Variants in GUCY1A2 observed in about 807,000 individuals in gnomAD.
GUCY1A2 encodes guanylate cyclase soluble subunit alpha-2.
Under a neutral mutation model 63.5 loss-of-function variants are expected in GUCY1A2, and 27 were observed. The ratio of observed to expected loss-of-function variants is 0.43; its 90% CI spans 0.31 to 0.59. The LOEUF is 0.59. Ranked by LOEUF, GUCY1A2 falls within the 20% of genes least tolerant of loss-of-function variation. GUCY1A2 has a pLI of 0.11. For missense variants in GUCY1A2, 768 were observed against 913.3 expected (o/e 0.84, Z 2.05); for synonymous variants, 364 against 343.5 (o/e 1.06, Z -0.66).
intron 4 of GUCY1A2, among the ~76,000 whole-genome samples, chr11:106,857,445 A>G (rs1859452232): frequency 6.6e-6 from 1 of 152,176 alleles, no homozygotes; most frequent in Non-Finnish European, 1.5e-5. Context: ...TTGGGGGAAC[A>G]TAAACATCCC....
chr11:106,747,868 G>A (rs549912609), intron 6 of GUCY1A2, among the ~76,000 whole-genome samples: 4 of 152,244 alleles, frequency 2.6e-5, no homozygotes, highest in Admixed American at 6.5e-5. Context: ...TATGGCTTGT[G>A]TGAGGGTTAC....
At chr11:106,711,232 TA>T (rs1296625745) in intron 6 of GUCY1A2, among the ~76,000 whole-genome samples, 2 of 152,150 alleles carry the variant, frequency 1.3e-5, no homozygotes, top group Non-Finnish European at 2.9e-5. Context: ...GCTAGATTTA[TA>T]AAAGAGTTGG....
chr11:106,759,471 T>A (rs553893870), intron 6 of GUCY1A2, among the ~76,000 whole-genome samples: 1 of 152,340 alleles, frequency 6.6e-6, no homozygotes, highest in Non-Finnish European at 1.5e-5. Context: ...AATTGTGCCC[T>A]ACCCCCTTAA....
rs1862458355 is a variant in GUCY1A2 at position 106,683,068 on chromosome 11, G to T, written c.*4481C>A. The T allele has an allele frequency of 4.6e-6, 1 of 217,952 alleles. No homozygotes were observed. 13.5% of individuals were successfully genotyped at this position (217,952 alleles called of 1,614,324 possible). ...TCAATCACATGAACACAATTTATGTGTATGTTAAACCAGCTGGTTGTGGTT... is the reference window on the plus strand; with the variant it reads ...TCAATCACATGAACACAATTTATGTTTATGTTAAACCAGCTGGTTGTGGTT... On this transcript the variant is annotated 3_prime_UTR_variant, in exon 8 of 8. Coordinates refer to ENST00000526355, the MANE Select transcript of GUCY1A2 (RefSeq NM_000855.3).
chr11:106,810,537 T>C (rs541219805), intron 4 of GUCY1A2, 59 bp from the exon 5 acceptor site: 2 of 1,379,166 alleles, frequency 1.5e-6, no homozygotes, highest in African/African-American at 1.4e-5. Context: ...TCACAAAATT[T>C]AATATATTAT....
intron 7 of GUCY1A2, among the ~76,000 whole-genome samples, chr11:106,707,028 T>C (rs1862926348): frequency 6.6e-6 from 1 of 152,116 alleles, no homozygotes; most frequent in Non-Finnish European, 1.5e-5. Context: ...TCCTGAAACT[T>C]TGTCCAGAAG....
chr11:106,859,563 A>T (rs1859480957), intron 4 of GUCY1A2, among the ~76,000 whole-genome samples: 1 of 152,000 alleles, frequency 6.6e-6, no homozygotes, highest in Non-Finnish European at 1.5e-5. Context: ...AGTCAGACAG[A>T]TTCCTGTTCT....
intron 5 of GUCY1A2, among the ~76,000 whole-genome samples, chr11:106,800,041 A>G (rs1864844727): frequency 6.6e-6 from 1 of 152,208 alleles, no homozygotes; most frequent in African/African-American, 2.4e-5. Context: ...AAACAAATTT[A>G]CAAGAAAAGA....
Position 106,903,708 on chromosome 11 carries a change from G to T in GUCY1A2, c.1206+35752C>A, listed in dbSNP as rs1391935496. On this transcript the variant is annotated intron_variant, in intron 4 of 7. Transcript: ENST00000526355. ...AAAGGAGACTGCCAAGGGCAGGGAA[G>T]ATGATAGAAAGTGATAAAGACATTT... Among the ~76,000 whole-genome samples the T allele has an allele frequency of 2.0e-5, 3 of 152,208 alleles. No individual in the cohort carries two copies. In the East Asian group the frequency reaches 5.8e-4, roughly 29 times the overall value.
intron 4 of GUCY1A2, among the ~76,000 whole-genome samples, chr11:106,870,588 C>G (rs968235456): frequency 6.6e-6 from 1 of 152,200 alleles, no homozygotes; most frequent in African/African-American, 2.4e-5. Context: ...GCTTGCTACA[C>G]ATCTAAAGTT....
intron 6 of GUCY1A2, among the ~76,000 whole-genome samples, chr11:106,740,643 T>G (rs1863676808): frequency 7.0e-6 from 1 of 143,106 alleles, no homozygotes; most frequent in South Asian, 2.3e-4. Flanking sequence ...CTATGGACCA[T>G]ATCACTGTAT....
Position 106,682,514 on chromosome 11 carries a change from G to C in GUCY1A2, c.*5035C>G, listed in dbSNP as rs1185855397. 2 of 210,590 alleles carry C rather than the reference G, an allele frequency of 9.5e-6. No homozygotes were observed. Among genetic ancestry groups the C allele is most frequent in the East Asian group, 1.4e-4 (2 of 14,108 alleles). 13.0% of individuals were successfully genotyped at this position (210,590 alleles called of 1,614,324 possible). On this transcript the variant is annotated 3_prime_UTR_variant, in exon 8 of 8. Transcript: ENST00000526355. ...CAGCCAGATACTTCCAAGCAGATCA[G>C]CTGAACCACTGAACTAGGTCATTTC... is the stretch of plus-strand genomic sequence containing the variant.
intron 7 of GUCY1A2, among the ~76,000 whole-genome samples, chr11:106,693,613 TAGTC>T (rs1237633352): frequency 1.3e-5 from 2 of 152,174 alleles, no homozygotes; most frequent in Admixed American, 1.3e-4. Context: ...CATTTTGGCT[TAGTC>T]AGACATTGAC....
intron 6 of GUCY1A2, among the ~76,000 whole-genome samples, chr11:106,774,689 C>T (rs1864324146): frequency 6.6e-6 from 1 of 152,128 alleles, no homozygotes; most frequent in Non-Finnish European, 1.5e-5. Flanking sequence ...ACTCTCTCCG[C>T]CCTGTCTCCC....
At chr11:106,792,434 T>TGC (rs1373307041) in intron 5 of GUCY1A2, among the ~76,000 whole-genome samples, 2 of 149,984 alleles carry the variant, frequency 1.3e-5, no homozygotes, top group Non-Finnish European at 3.0e-5. Flanking sequence ...GTAGGCATTA[T>TGC]CCCTGGGTTG....
In GUCY1A2 at chr11:106,685,405, T is replaced by C. The variant is rs2298508; in HGVS notation, c.*2144A>G. On this transcript the variant is annotated 3_prime_UTR_variant, in exon 8 of 8. Transcript: ENST00000526355. ...CTTAAGTATGGAGATAATAAATATG[T>C]GTTTAGAGTAGTTGCTTAGACAAAT... is the stretch of plus-strand genomic sequence containing the variant. 387 of 217,888 alleles carry C rather than the reference T, an allele frequency of 1.8e-3. 3 individuals are homozygous for C. In the East Asian group the frequency reaches 0.025, roughly 14 times the overall value. The allele number at this position is 217,888 out of a possible 1,614,324, so 13.5% of individuals were successfully genotyped here. A position where few individuals can be genotyped will look rare whatever the true frequency, so the allele number is the denominator to read the frequency against.
chr11:106,679,630 T>C lies in GUCY1A2; in HGVS notation c.*7919A>G, dbSNP rs1025143502. The C allele has an allele frequency of 4.7e-6, 1 of 212,484 alleles. No individual in the cohort carries two copies. Among genetic ancestry groups the C allele is most frequent in the African/African-American group, 2.3e-5 (1 of 44,138 alleles). 13.2% of individuals were successfully genotyped at this position (212,484 alleles called of 1,614,324 possible). ...TATATTCTTCTCACTGAATGCTAGC[T>C]CAGCCAGGCATGTTATAAAAGGAAA... On this transcript the variant is annotated 3_prime_UTR_variant, in exon 8 of 8. Transcript: ENST00000526355.
intron 3 of GUCY1A2, among the ~76,000 whole-genome samples, chr11:106,956,037 A>G (rs1006758648): frequency 4.0e-5 from 6 of 151,500 alleles, no homozygotes; most frequent in Non-Finnish European, 8.8e-5. Flanking sequence ...TCAGTAAGGT[A>G]GTTTTCAAAC....
intron 1 of GUCY1A2, among the ~76,000 whole-genome samples, chr11:106,990,117 T>C (rs775845654): frequency 3.5e-4 from 53 of 152,176 alleles, no homozygotes; most frequent in Middle Eastern, 3.4e-3. Flanking sequence ...AACTAAGACA[T>C]AGATAGTGGC....
Sources: allele counts gnomAD v4.1 joint callset (sites outside exome capture counted in the v4.1 genomes callset), GRCh38; gene constraint gnomAD v4.1.1; transcripts MANE v1.5; gene names NCBI Gene and HGNC (gene_info 2026-07-23, HGNC 2026-07-21).